IQCM: variants seen among roughly 807,000 people sequenced by gnomAD.
The protein encoded by IQCM is IQ domain-containing protein M.
Under a neutral mutation model 57.6 loss-of-function variants are expected in IQCM, and 45 were observed. The observed-to-expected ratio is 0.78, with a 90% confidence interval of 0.62 to 1.00. IQCM has a LOEUF of 1.00. Ranked by LOEUF, IQCM falls within the 50% of genes least tolerant of loss-of-function variation. The probability of loss-of-function intolerance (pLI) is 0.00; values close to 1 mark genes in which losing one functional copy is unlikely to be tolerated. For synonymous variants in IQCM, 148 were observed against 158.9 expected (o/e 0.93, Z 0.51); for missense variants, 468 against 511.6 (o/e 0.91, Z 0.82).
At chr4:149,483,208 T>C (rs918931431) in intron 12 of IQCM, among the ~76,000 whole-genome samples, 5 of 151,848 alleles carry the variant, frequency 3.3e-5, no homozygotes, top group African/African-American at 1.2e-4. Context: ...TTTCTTTATC[T>C]TTGCAAAAAA....
chr4:149,354,598 A>T (rs942026917), intron 13 of IQCM, among the ~76,000 whole-genome samples: 1 of 151,958 alleles, frequency 6.6e-6, no homozygotes, highest in Non-Finnish European at 1.5e-5. Context: ...TACCAAGCAT[A>T]TATTTCATCA....
At chr4:149,353,772 G>A (rs1041373905) in intron 13 of IQCM, among the ~76,000 whole-genome samples, 7 of 152,112 alleles carry the variant, frequency 4.6e-5, no homozygotes, top group African/African-American at 7.2e-5. Context: ...GGTTACTAGA[G>A]GTGGAGGATG....
chr4:149,588,379 A>G (rs550111564), intron 8 of IQCM, among the ~76,000 whole-genome samples: 1 of 152,032 alleles, frequency 6.6e-6, no homozygotes, highest in African/African-American at 2.4e-5. Context: ...AGGGGAAAAT[A>G]TGGGTAGAAA....
At chr4:149,518,721 G>C (rs1177068557) in intron 12 of IQCM, among the ~76,000 whole-genome samples, 1 of 152,152 alleles carries the variant, frequency 6.6e-6, no homozygotes, top group African/African-American at 2.4e-5. Flanking sequence ...TATTAAGATG[G>C]AAATGACTCA....
At chr4:149,435,085 G>T (rs189613046) in intron 12 of IQCM, among the ~76,000 whole-genome samples, 4 of 152,044 alleles carry the variant, frequency 2.6e-5, no homozygotes, top group Admixed American at 2.0e-4. Context: ...CAGACCAAGG[G>T]GTCCCTATAT....
At chr4:149,627,616 T>TGTGTGAACCCAGGTCTATCTTGAA (rs1360431374) in intron 7 of IQCM, among the ~76,000 whole-genome samples, 4 of 152,148 alleles carry the variant, frequency 2.6e-5, no homozygotes, top group Non-Finnish European at 1.5e-5. Context: ...GGTAAGAGGT[T>TGTGTGAACCCAGGTCTATCTTGAA]GTGTGAACCC....
intron 8 of IQCM, among the ~76,000 whole-genome samples, chr4:149,608,458 T>C (rs1030693544): frequency 8.6e-5 from 13 of 151,894 alleles, no homozygotes; most frequent in African/African-American, 3.1e-4. Flanking sequence ...AGCAGCAAAA[T>C]ACACATTCTT....
chr4:149,404,156 G>C (rs774527239), intron 13 of IQCM, among the ~76,000 whole-genome samples: 2 of 151,952 alleles, frequency 1.3e-5, no homozygotes, highest in Non-Finnish European at 2.9e-5. Context: ...CATGTTCTTC[G>C]ATACACCTTG....
intron 5 of IQCM, among the ~76,000 whole-genome samples, chr4:149,701,080 C>T (rs114574300): frequency 6.6e-6 from 1 of 151,878 alleles, no homozygotes; most frequent in African/African-American, 2.4e-5. Flanking sequence ...TACAAATATA[C>T]AAACTGAGGC....
At chr4:149,631,847 G>T (rs1757292867) in intron 7 of IQCM, among the ~76,000 whole-genome samples, 1 of 152,210 alleles carries the variant, frequency 6.6e-6, no homozygotes, top group African/African-American at 2.4e-5. Flanking sequence ...TGTGAAACCA[G>T]ACTGGCCACT....
At position 149,733,408 on chromosome 4, in the gene IQCM, C is replaced by T. The variant is rs1265160635; in HGVS notation, c.221G>A (p.Arg74His). ...IPLEIDKKVT[R>H]DVVQEHRAAL... ...GGCCCGATGTTCTTGCACCACATCACGTGTTACCTTTTTGTCAATCTCCAA... is the reference window on the plus strand; with the variant it reads ...GGCCCGATGTTCTTGCACCACATCATGTGTTACCTTTTTGTCAATCTCCAA... Residue 74 changes from arginine to histidine, a missense_variant, in exon 5 of 14, where the codon CGT becomes CAT. Coordinates refer to ENST00000636793, the MANE Select transcript of IQCM (RefSeq NM_001363507.2). The T allele has an allele frequency of 1.6e-6, 2 of 1,231,628 alleles. No homozygotes were observed. Among genetic ancestry groups the T allele is most frequent in the Admixed American group, 4.2e-5 (1 of 23,660 alleles). The allele number at this position is 1,231,628 out of a possible 1,614,324, so 76.3% of individuals were successfully genotyped here. A position where few individuals can be genotyped will look rare whatever the true frequency, so the allele number is the denominator to read the frequency against.
intron 9 of IQCM, among the ~76,000 whole-genome samples, chr4:149,565,805 A>G (rs1320332702): frequency 6.6e-6 from 1 of 152,166 alleles, no homozygotes; most frequent in Non-Finnish European, 1.5e-5. Context: ...ATGAAAAAAA[A>G]GTCATTTTCT....
intron 6 of IQCM, among the ~76,000 whole-genome samples, chr4:149,683,299 C>T (rs1223142388): frequency 6.6e-6 from 1 of 151,014 alleles, no homozygotes; most frequent in African/African-American, 2.4e-5. Flanking sequence ...ACTATAAATG[C>T]CTAGAAATTA....
rs559208382 is a variant in IQCM at position 149,764,062 on chromosome 4, T to C, written c.-48-21323A>G. ...CAAGTACTTGAATCACAAGGCAAAT[T>C]TGGATTTCAGTGAGGATGCTCTTAT... On this transcript the variant is annotated intron_variant, in intron 2 of 13. Transcript: ENST00000636793. Among the ~76,000 whole-genome samples, 8 of 152,168 alleles carry C rather than the reference T, an allele frequency of 5.3e-5. No individual in the cohort carries two copies. In the East Asian group the frequency reaches 1.2e-3, roughly 22 times the overall value.
Position 149,465,816 on chromosome 4 carries a change from GA to G in IQCM, c.1229-32260del, listed in dbSNP as rs1013514364. Reference sequence around the variant, plus strand: ...TCTGCCTCTGTGCTACTGGAATGGAGAAAAAAAAATAGTAGGGAATGATTCC... The same window carrying G: ...TCTGCCTCTGTGCTACTGGAATGGAGAAAAAAAATAGTAGGGAATGATTCC... On this transcript the variant is annotated intron_variant, in intron 12 of 13. Coordinates refer to ENST00000636793, the MANE Select transcript of IQCM (RefSeq NM_001363507.2). Among the ~76,000 whole-genome samples the G allele has an allele frequency of 3.8e-4, 57 of 150,302 alleles. No homozygotes were observed. The Middle Eastern group carries it at 0.014, about 36-fold the overall frequency.
At chr4:149,357,753 G>T (rs1729115383) in intron 13 of IQCM, among the ~76,000 whole-genome samples, 1 of 152,162 alleles carries the variant, frequency 6.6e-6, no homozygotes, top group Non-Finnish European at 1.5e-5. Context: ...GATGATGTTG[G>T]CCTCATCAAA....
At chr4:149,482,253 A>G (rs1306708881) in intron 12 of IQCM, among the ~76,000 whole-genome samples, 2 of 151,888 alleles carry the variant, frequency 1.3e-5, no homozygotes, top group African/African-American at 4.8e-5. Context: ...TTCCTTTCCA[A>G]TTTGGATGTT....
chr4:149,396,979 G>A (rs530601716), intron 13 of IQCM, among the ~76,000 whole-genome samples: 9 of 151,810 alleles, frequency 5.9e-5, no homozygotes, highest in African/African-American at 1.9e-4. Context: ...CCACATCTTG[G>A]CTATTGTGAA....
intron 12 of IQCM, among the ~76,000 whole-genome samples, chr4:149,504,988 G>C (rs1168098071): frequency 2.0e-5 from 3 of 152,022 alleles, no homozygotes; most frequent in Non-Finnish European, 2.9e-5. Context: ...TCAACATCAA[G>C]TCTGCTGGCA....
Sources: allele counts gnomAD v4.1 joint callset (sites outside exome capture counted in the v4.1 genomes callset), GRCh38; gene constraint gnomAD v4.1.1; transcripts MANE v1.5; gene names NCBI Gene and HGNC (gene_info 2026-07-23, HGNC 2026-07-21).